SCHIP1: variants seen among roughly 807,000 people sequenced by gnomAD.
SCHIP1 encodes the protein schwannomin-interacting protein 1.
A neutral mutation model predicts 29.7 loss-of-function variants in SCHIP1; 8 were observed. That is an observed-to-expected ratio of 0.27 (90% CI 0.16 to 0.49). The LOEUF (loss-of-function observed/expected upper bound fraction) is 0.49. Ranked by LOEUF, SCHIP1 falls within the 20% of genes least tolerant of loss-of-function variation. The pLI is 0.99. For synonymous variants in SCHIP1, 76 were observed against 94.9 expected, an observed-to-expected ratio of 0.80 and a Z score of 1.16; for missense variants, 193 against 294.6, an observed-to-expected ratio of 0.66 and a Z score of 2.52.
At chr3:159,411,567 GAAAT>G in the SCHIP1 span, among the ~76,000 whole-genome samples, 7 of 152,070 alleles carry the variant, frequency 4.6e-5, no homozygotes, top group Non-Finnish European at 7.4e-5. Flanking sequence ...AATAATCCAA[GAAAT>G]AAATAATAAA....
At chr3:159,330,967 T>G in the SCHIP1 span, among the ~76,000 whole-genome samples, 1 of 152,158 alleles carries the variant, frequency 6.6e-6, no homozygotes, top group African/African-American at 2.4e-5. Flanking sequence ...TCTAAATTTA[T>G]ATCTCCTCCC....
the SCHIP1 span, among the ~76,000 whole-genome samples, chr3:159,776,329 T>C: frequency 1.2e-5 from 1 of 84,034 alleles, no homozygotes; most frequent in African/African-American, 4.9e-5. Context: ...TTAAGTGTTC[T>C]GTCTTTTTTT....
the SCHIP1 span, among the ~76,000 whole-genome samples, chr3:159,567,967 A>G: frequency 0.017 from 2,599 of 152,220 alleles, 68 homozygotes; most frequent in African/African-American, 0.058. Context: ...GGTTTTTTAA[A>G]AGGTCATTCA....
At chr3:159,680,713 A>T in the SCHIP1 span, among the ~76,000 whole-genome samples, 1 of 80,006 alleles carries the variant, frequency 1.2e-5, no homozygotes, top group Non-Finnish European at 2.2e-5. Context: ...TATTATATAT[A>T]ATATATGTAT....
chr3:159,765,713 C>T, the SCHIP1 span: 1 of 152,306 alleles, frequency 6.6e-6, no homozygotes, highest in Non-Finnish European at 1.5e-5. Flanking sequence ...CTAAGACTTT[C>T]TTCCTTTATG....
the SCHIP1 span, among the ~76,000 whole-genome samples, chr3:159,784,031 G>T: frequency 1.3e-5 from 2 of 152,206 alleles, no homozygotes; most frequent in Non-Finnish European, 2.9e-5. Flanking sequence ...GGAGGTTAGA[G>T]AAACCCCTGC....
chr3:159,744,971 G>A, the SCHIP1 span, among the ~76,000 whole-genome samples: 90 of 141,840 alleles, frequency 6.3e-4, no homozygotes, highest in Middle Eastern at 3.6e-3. Flanking sequence ...GACAGAGCAA[G>A]ACTCCGTCTC....
At chr3:159,327,514 TTTAA>T in the SCHIP1 span, among the ~76,000 whole-genome samples, 2 of 152,218 alleles carry the variant, frequency 1.3e-5, no homozygotes, top group Non-Finnish European at 2.9e-5. Context: ...GCAGGGTTTC[TTTAA>T]TTAAAGAGTC....
chr3:159,424,324 C>T, the SCHIP1 span, among the ~76,000 whole-genome samples: 1 of 151,966 alleles, frequency 6.6e-6, no homozygotes, highest in African/African-American at 2.4e-5. Context: ...ACTAGAATAA[C>T]CAATACAGAG....
the SCHIP1 span, among the ~76,000 whole-genome samples, chr3:159,812,583 A>G: frequency 7.2e-5 from 11 of 152,234 alleles, no homozygotes; most frequent in Admixed American, 1.3e-4. Context: ...GTATGTATAT[A>G]AGCCAATAAA....
chr3:159,708,366 TC>T, the SCHIP1 span, among the ~76,000 whole-genome samples: 1 of 151,872 alleles, frequency 6.6e-6, no homozygotes, highest in African/African-American at 2.4e-5. Flanking sequence ...AAGTTGGAGG[TC>T]CCCCAGGAGA....
At chr3:159,504,717 C>T in the SCHIP1 span, among the ~76,000 whole-genome samples, 1 of 152,110 alleles carries the variant, frequency 6.6e-6, no homozygotes, top group Non-Finnish European at 1.5e-5. Flanking sequence ...AATCAATATT[C>T]ATATTTTCAA....
chr3:159,827,177 A>G, the SCHIP1 span, among the ~76,000 whole-genome samples: 66 of 152,316 alleles, frequency 4.3e-4, 1 homozygote, highest in African/African-American at 1.5e-3. Context: ...TAATTTGAAT[A>G]TTTCTTCTGA....
At chr3:159,837,921 C>G (rs1233922692), upstream of SCHIP1, among the ~76,000 whole-genome samples, 1 of 152,156 alleles carries the variant, frequency 6.6e-6, no homozygotes, top group African/African-American at 2.4e-5. Context: ...ATTCATCAAG[C>G]TTTCATTGTG....
the SCHIP1 span, chr3:159,765,310 T>C: frequency 1.3e-6 from 1 of 756,374 alleles, no homozygotes; most frequent in Non-Finnish European, 2.0e-6. Flanking sequence ...ATAAGGTTGC[T>C]CGGTCTGTGA....
At chr3:159,500,414 A>G in the SCHIP1 span, among the ~76,000 whole-genome samples, 17 of 152,262 alleles carry the variant, frequency 1.1e-4, no homozygotes, top group African/African-American at 3.9e-4. Context: ...TCATGCCCTT[A>G]AAAGAAAAAA....
At chr3:159,664,039 GGTTT>G in the SCHIP1 span, among the ~76,000 whole-genome samples, 2 of 152,128 alleles carry the variant, frequency 1.3e-5, no homozygotes, top group African/African-American at 2.4e-5. Context: ...CTTCATTTGA[GGTTT>G]GTTTCTCTCT....
At chr3:159,571,040 G>A in the SCHIP1 span, among the ~76,000 whole-genome samples, 1 of 152,098 alleles carries the variant, frequency 6.6e-6, no homozygotes, top group Non-Finnish European at 1.5e-5. Flanking sequence ...GAGATTTTGG[G>A]CTGAGACGAC....
At chr3:159,425,322 G>A in the SCHIP1 span, among the ~76,000 whole-genome samples, 4 of 151,628 alleles carry the variant, frequency 2.6e-5, no homozygotes, top group African/African-American at 9.7e-5. Flanking sequence ...ACACACATAG[G>A]CTCAAAATAA....
Sources: gnomAD v4.1 joint callset for allele counts (sites outside exome capture counted in the v4.1 genomes callset) on GRCh38, gnomAD v4.1.1 for gene constraint, MANE v1.5 for transcripts, NCBI Gene and HGNC (gene_info 2026-07-23, HGNC 2026-07-21) for gene names.